The following KLHL32 variants were observed in gnomAD, a reference collection of about 807,000 sequenced individuals.
KLHL32 encodes the protein kelch-like protein 32.
Under a neutral mutation model 64.8 loss-of-function variants are expected in KLHL32, and 35 were observed. The ratio of observed to expected loss-of-function variants is 0.54; its 90% CI spans 0.41 to 0.72. The LOEUF is 0.72. KLHL32 is among the 30% of genes least tolerant of loss of function. The pLI is 0.00. For missense variants in KLHL32, 589 were observed against 768.5 expected (o/e 0.77, Z 2.76); for synonymous variants, 259 against 281.0 (o/e 0.92, Z 0.78).
At chr6:97,111,723 G>T (rs973062228) in intron 6 of KLHL32, among the ~76,000 whole-genome samples, 1 of 152,162 alleles carries the variant, frequency 6.6e-6, no homozygotes, top group African/African-American at 2.4e-5. Flanking sequence ...CTTGTCTGGC[G>T]TTCAGGAGGA....
intron 7 of KLHL32, among the ~76,000 whole-genome samples, chr6:97,124,167 A>T (rs192386797): frequency 8.5e-5 from 13 of 152,340 alleles, no homozygotes; most frequent in Non-Finnish European, 1.9e-4. Context: ...TCAAAGGGGA[A>T]GGCAAGAGAA....
intron 4 of KLHL32, among the ~76,000 whole-genome samples, chr6:97,060,287 A>G (rs561645692): frequency 5.9e-5 from 9 of 152,312 alleles, no homozygotes; most frequent in Admixed American, 6.5e-5. Flanking sequence ...GACAGTCCCT[A>G]CCAGCCACCA....
At chr6:97,045,538 A>C (rs1239014676) in intron 4 of KLHL32, among the ~76,000 whole-genome samples, 1 of 152,162 alleles carries the variant, frequency 6.6e-6, no homozygotes, top group South Asian at 2.1e-4. Context: ...CTGCATTAGC[A>C]ACTAAATGGT....
intron 2 of KLHL32, among the ~76,000 whole-genome samples, chr6:96,970,702 T>C (rs184464291): frequency 1.1e-4 from 16 of 152,336 alleles, no homozygotes; most frequent in Admixed American, 9.2e-4. Context: ...TATTCATTCA[T>C]AATTAAGTTC....
In KLHL32 at chr6:96,993,814, C is replaced by T. The variant is rs145775051; in HGVS notation, c.204+17637C>T. On this transcript the variant is annotated intron_variant, in intron 3 of 10. Transcript: ENST00000369261. Reference sequence around the variant, plus strand: ...CCTCTTTTCTGAGCCCCAATTCCCACAGGATGACATGAAGAGGGCCAGCTT... The same window carrying T: ...CCTCTTTTCTGAGCCCCAATTCCCATAGGATGACATGAAGAGGGCCAGCTT... 3.3e-4 allele frequency among the ~76,000 whole-genome samples: 51 copies of T among 152,250 alleles called. 1 individual carries two copies. The East Asian group carries it at 9.9e-3, about 29-fold the overall frequency.
intron 4 of KLHL32, among the ~76,000 whole-genome samples, chr6:97,056,782 T>C (rs1582873412): frequency 6.6e-6 from 1 of 152,164 alleles, no homozygotes; most frequent in Admixed American, 6.5e-5. Context: ...GTCACGACCA[T>C]AGTCTCAGCA....
intron 3 of KLHL32, among the ~76,000 whole-genome samples, chr6:96,985,744 TA>T (rs376369213): frequency 0.47 from 70,810 of 151,640 alleles, 17,091 homozygotes; most frequent in African/African-American, 0.58. Flanking sequence ...AGGACTTCTC[TA>T]GAATTGGTTA....
At chr6:97,009,160 T>C (rs1036724703) in intron 3 of KLHL32, among the ~76,000 whole-genome samples, 1 of 151,282 alleles carries the variant, frequency 6.6e-6, no homozygotes, top group African/African-American at 2.4e-5. Flanking sequence ...GTCTGAAACA[T>C]ACTAGATGTT....
chr6:96,978,478 T>G (rs1775949983), intron 3 of KLHL32, among the ~76,000 whole-genome samples: 1 of 152,214 alleles, frequency 6.6e-6, no homozygotes, highest in Non-Finnish European at 1.5e-5. Context: ...ATGATCTCAT[T>G]CTTTTTTATG....
rs773226138 is a variant in KLHL32 at position 97,113,944 on chromosome 6, G to A, written c.789G>A (p.Glu263=). ...AGACTGCAACAGCCCTTGTCAACGA[G>A]GCCCTGGAATACCACCAGAGCATCT... ...ASETATALVN[E]ALEYHQSIYA... The change falls in exon 7 of 11, where the codon GAG becomes GAA. Residue 263 remains glutamate, a synonymous_variant. Coordinates refer to ENST00000369261, the MANE Select transcript of KLHL32 (RefSeq NM_052904.4). 1.4e-5 allele frequency: 22 copies of A among 1,614,006 alleles called. No individual in the cohort carries two copies. The highest frequency in any genetic ancestry group is 1.8e-5 in the Non-Finnish European group (21 of 1,180,034).
At chr6:96,977,186 C>T (rs575165013) in intron 3 of KLHL32, among the ~76,000 whole-genome samples, 1 of 152,296 alleles carries the variant, frequency 6.6e-6, no homozygotes, top group South Asian at 2.1e-4. Flanking sequence ...ATTTGATCCT[C>T]ACAACAACCC....
intron 6 of KLHL32, among the ~76,000 whole-genome samples, chr6:97,088,599 C>G (rs1360668995): frequency 6.6e-6 from 1 of 152,122 alleles, no homozygotes; most frequent in Non-Finnish European, 1.5e-5. Context: ...TAAACAAGTT[C>G]TAGGGATCTA....
intron 1 of KLHL32, among the ~76,000 whole-genome samples, chr6:96,944,819 G>T (rs1160473879): frequency 6.6e-6 from 1 of 152,178 alleles, no homozygotes; most frequent in African/African-American, 2.4e-5. Flanking sequence ...GAAAATAAAA[G>T]AAATACTGTC....
At position 96,986,301 on chromosome 6, in the gene KLHL32, T is replaced by C. The variant is rs561436688; in HGVS notation, c.204+10124T>C. Among the ~76,000 whole-genome samples the C allele has an allele frequency of 2.2e-4, 34 of 152,252 alleles. No individual in the cohort carries two copies. The South Asian group carries it at 7.0e-3, about 32-fold the overall frequency. Reference sequence around the variant, plus strand: ...GCCCCTAATGGGGGGGGCCTCCCAGTTAGGCTACTCAGGGGTCAGGGACCC... The same window carrying C: ...GCCCCTAATGGGGGGGGCCTCCCAGCTAGGCTACTCAGGGGTCAGGGACCC... On this transcript the variant is annotated intron_variant, in intron 3 of 10. Coordinates refer to ENST00000369261, the MANE Select transcript of KLHL32 (RefSeq NM_052904.4).
chr6:96,909,262 A>T, the KLHL32 span, among the ~76,000 whole-genome samples: 1 of 152,212 alleles, frequency 6.6e-6, no homozygotes. Context: ...GATAGACAGA[A>T]AAAAGATAGA....
chr6:97,032,105 G>T (rs1407225330), intron 3 of KLHL32, among the ~76,000 whole-genome samples: 2 of 152,150 alleles, frequency 1.3e-5, no homozygotes, highest in East Asian at 1.9e-4. Flanking sequence ...AAGATAAATT[G>T]CCCACATGAC....
intron 5 of KLHL32, among the ~76,000 whole-genome samples, chr6:97,084,445 G>A (rs2128178221): frequency 6.6e-6 from 1 of 152,280 alleles, no homozygotes; most frequent in African/African-American, 2.4e-5. Context: ...CATTTCTGCA[G>A]AAACTCTTCA....
intron 3 of KLHL32, among the ~76,000 whole-genome samples, chr6:97,001,685 G>T (rs913549623): frequency 2.0e-5 from 3 of 152,148 alleles, no homozygotes; most frequent in African/African-American, 7.2e-5. Context: ...GCCCAATACT[G>T]AACTATTAGG....
chr6:96,994,744 A>G (rs745726408), intron 3 of KLHL32: 32 of 623,822 alleles, frequency 5.1e-5, no homozygotes, highest in Non-Finnish European at 5.8e-5. Context: ...CCAGATAATA[A>G]TGCTTTAAAA....
Sources: gnomAD v4.1 joint callset for allele counts (sites outside exome capture counted in the v4.1 genomes callset) on GRCh38, gnomAD v4.1.1 for gene constraint, MANE v1.5 for transcripts, NCBI Gene and HGNC (gene_info 2026-07-23, HGNC 2026-07-21) for gene names.